The following CALN1 variants were observed in gnomAD, a reference collection of about 807,000 sequenced individuals.
The protein encoded by CALN1 is calcium-binding protein 8.
Under a neutral mutation model 30.6 loss-of-function variants are expected in CALN1, and 17 were observed. The ratio of observed to expected loss-of-function variants is 0.56; its 90% CI spans 0.38 to 0.83. The LOEUF is 0.83. Among genes scored for constraint, CALN1 ranks in the 40% least tolerant of loss-of-function variants. The probability of loss-of-function intolerance (pLI) is 0.00; values close to 1 mark genes in which losing one functional copy is unlikely to be tolerated. For missense variants in CALN1, 291 were observed against 354.9 expected (o/e 0.82, Z 1.45); for synonymous variants, 156 against 131.4 (o/e 1.19, Z -1.28).
intron 3 of CALN1, among the ~76,000 whole-genome samples, chr7:72,207,251 G>A (rs1259034743): frequency 2.0e-5 from 3 of 152,064 alleles, no homozygotes; most frequent in Non-Finnish European, 4.4e-5. Flanking sequence ...TCGGCGGGAG[G>A]GAAGAACTTA....
chr7:72,138,584 G>A (rs1044041039), intron 3 of CALN1, among the ~76,000 whole-genome samples: 7 of 152,166 alleles, frequency 4.6e-5, no homozygotes, highest in Non-Finnish European at 1.0e-4. Flanking sequence ...GGCTCTGAAG[G>A]TGCGTATTTT....
At chr7:72,114,630 G>T (rs1807836017) in intron 3 of CALN1, among the ~76,000 whole-genome samples, 1 of 152,138 alleles carries the variant, frequency 6.6e-6, no homozygotes, top group Non-Finnish European at 1.5e-5. Flanking sequence ...ATGATCAACT[G>T]ACTTCAGAAA....
chr7:72,438,581 G>T (rs184854667), intron 1 of CALN1, among the ~76,000 whole-genome samples: 2 of 152,104 alleles, frequency 1.3e-5, no homozygotes, highest in Non-Finnish European at 2.9e-5. Flanking sequence ...AATAGTAGCC[G>T]CCACGTAGAG....
intron 5 of CALN1, among the ~76,000 whole-genome samples, chr7:71,939,528 G>A (rs887697527): frequency 4.0e-5 from 6 of 151,324 alleles, no homozygotes; most frequent in Admixed American, 2.0e-4. Context: ...AGCCAAGATC[G>A]TGCCATTGCA....
intron 3 of CALN1, among the ~76,000 whole-genome samples, chr7:72,142,392 G>T (rs756844560): frequency 6.6e-6 from 1 of 152,200 alleles, no homozygotes; most frequent in African/African-American, 2.4e-5. Flanking sequence ...AGCAGTCTGA[G>T]ATCGAACTAC....
At chr7:72,373,228 T>C (rs560667835) in intron 2 of CALN1, among the ~76,000 whole-genome samples, 1 of 152,160 alleles carries the variant, frequency 6.6e-6, no homozygotes, top group African/African-American at 2.4e-5. Flanking sequence ...AAAGGAAGTT[T>C]GGGAAAAAAT....
the CALN1 span, among the ~76,000 whole-genome samples, chr7:72,472,777 C>T: frequency 3.3e-5 from 5 of 152,020 alleles, no homozygotes; most frequent in Admixed American, 3.3e-4. Flanking sequence ...GGGAGAGAGA[C>T]TCCATCAAAA....
chr7:71,811,580 G>A (rs1332382826), intron 5 of CALN1, among the ~76,000 whole-genome samples: 2 of 151,986 alleles, frequency 1.3e-5, no homozygotes, highest in East Asian at 1.9e-4. Context: ...TGAAGGAGAG[G>A]TGCAGAGTTC....
At chr7:72,339,574 A>T (rs1197699636) in intron 2 of CALN1, among the ~76,000 whole-genome samples, 5 of 152,200 alleles carry the variant, frequency 3.3e-5, no homozygotes, top group Admixed American at 6.5e-5. Context: ...AGAGTCAGGA[A>T]ATGTTTTTGT....
intron 2 of CALN1, among the ~76,000 whole-genome samples, chr7:72,376,054 G>T (rs927099855): frequency 7.2e-5 from 11 of 152,050 alleles, no homozygotes; most frequent in Non-Finnish European, 1.5e-4. Flanking sequence ...TGTTTTTAAG[G>T]TTTAGCCATA....
chr7:72,335,523 A>T (rs1801959497), intron 2 of CALN1, among the ~76,000 whole-genome samples: 1 of 152,066 alleles, frequency 6.6e-6, no homozygotes, highest in South Asian at 2.1e-4. Flanking sequence ...TCACCACTAA[A>T]CAGACTTCCC....
intron 2 of CALN1, among the ~76,000 whole-genome samples, chr7:72,298,017 A>T (rs1009806884): frequency 6.6e-6 from 1 of 151,912 alleles, no homozygotes; most frequent in Non-Finnish European, 1.5e-5. Flanking sequence ...CCATCTTATT[A>T]TTTTTTTTAG....
At chr7:72,426,344 T>A (rs149124228) in intron 1 of CALN1, among the ~76,000 whole-genome samples, 4 of 152,194 alleles carry the variant, frequency 2.6e-5, no homozygotes, top group Admixed American at 2.6e-4. Context: ...TAAGAGGTGA[T>A]TGGATCATGG....
At chr7:72,303,557 C>CAA (rs34931896) in intron 2 of CALN1, among the ~76,000 whole-genome samples, 3 of 139,954 alleles carry the variant, frequency 2.1e-5, no homozygotes, top group Non-Finnish European at 4.6e-5. Flanking sequence ...AACTCCATCT[C>CAA]AAAAAAAAGA....
chr7:72,337,327 C>T (rs1219506543), intron 2 of CALN1: 4 of 966,742 alleles, frequency 4.1e-6, no homozygotes, highest in South Asian at 4.7e-5. Context: ...TCGGGGAGCC[C>T]CCACCCCCCA....
intron 3 of CALN1, among the ~76,000 whole-genome samples, chr7:72,241,663 G>A (rs1427458645): frequency 2.6e-5 from 4 of 151,756 alleles, no homozygotes; most frequent in African/African-American, 7.3e-5. Flanking sequence ...CCAAGATCAC[G>A]CCATTGCACT....
chr7:72,143,551 G>C (rs1810116188), intron 3 of CALN1, among the ~76,000 whole-genome samples: 1 of 152,168 alleles, frequency 6.6e-6, no homozygotes, highest in African/African-American at 2.4e-5. Context: ...AAAACACTCT[G>C]CAGGATATTA....
intron 3 of CALN1, among the ~76,000 whole-genome samples, chr7:72,140,340 AAGGG>A (rs200997090): frequency 0.047 from 3,065 of 65,178 alleles, 99 homozygotes; most frequent in African/African-American, 0.083. Flanking sequence ...AGAAGGAAGG[AAGGG>A]AGGGAGGGAG....
intron 3 of CALN1, among the ~76,000 whole-genome samples, chr7:72,205,367 A>AT (rs1459177489): frequency 7.3e-5 from 11 of 149,900 alleles, no homozygotes; most frequent in Admixed American, 3.3e-4. Context: ...CACCTGGCTA[A>AT]TTTTTTGTAT....
Sources: gnomAD v4.1 joint callset for allele counts (sites outside exome capture counted in the v4.1 genomes callset) on GRCh38, gnomAD v4.1.1 for gene constraint, MANE v1.5 for transcripts, NCBI Gene and HGNC (gene_info 2026-07-23, HGNC 2026-07-21) for gene names.